Variants in HDDC2 observed in about 807,000 individuals in gnomAD.
The protein encoded by HDDC2 is 5'-deoxynucleotidase HDDC2.
A neutral mutation model predicts 25.5 loss-of-function variants in HDDC2; 25 were observed. The ratio of observed to expected loss-of-function variants is 0.98; its 90% CI spans 0.72 to 1.37. HDDC2 has a LOEUF of 1.37. Ranked by LOEUF, HDDC2 falls within the 40% of genes most tolerant of loss-of-function variation. HDDC2 has a pLI of 0.00. For missense variants in HDDC2, 264 were observed against 253.1 expected (o/e 1.04, Z -0.29); for synonymous variants, 106 against 89.7 (o/e 1.18, Z -1.03).
At chr6:125,287,224 T>G (rs928261855) in intron 4 of HDDC2, among the ~76,000 whole-genome samples, 14 of 152,162 alleles carry the variant, frequency 9.2e-5, no homozygotes, top group Non-Finnish European at 1.6e-4. Context: ...TTAAAAAAAG[T>G]GAGCATGATT....
intron 3 of HDDC2, among the ~76,000 whole-genome samples, chr6:125,293,880 C>A (rs1407057167): frequency 6.6e-6 from 1 of 152,166 alleles, no homozygotes; most frequent in Non-Finnish European, 1.5e-5. Flanking sequence ...TTCCCCACCA[C>A]AAGGAGAAGC....
At chr6:125,288,747 C>A (rs566674272) in intron 4 of HDDC2, among the ~76,000 whole-genome samples, 1 of 139,676 alleles carries the variant, frequency 7.2e-6, no homozygotes, top group Admixed American at 7.1e-5. Flanking sequence ...TCATCACTGG[C>A]CATCAGAGAA....
At chr6:125,301,580 C>G (rs1798807329) in intron 1 of HDDC2, among the ~76,000 whole-genome samples, 1 of 151,092 alleles carries the variant, frequency 6.6e-6, no homozygotes, top group Non-Finnish European at 1.5e-5. Context: ...CGGGAACTGG[C>G]GCGGCTGCAG....
intron 5 of HDDC2, 75 bp downstream of exon 5, chr6:125,277,027 C>A: frequency 6.8e-7 from 1 of 1,472,316 alleles, no homozygotes; most frequent in Non-Finnish European, 9.4e-7. Context: ...AGTGGGTTTC[C>A]CTAATATTAA....
rs1050185173 is a variant in HDDC2, at chr6:125,300,793, C to T, written c.85-134G>A. 5.0e-6 allele frequency: 4 copies of T among 793,778 alleles called. No homozygotes were observed. In the African/African-American group the frequency reaches 7.0e-5, roughly 14 times the overall value. The allele number at this position is 793,778 out of a possible 1,614,324, so 49.2% of individuals were successfully genotyped here. ...TCAGAACCTATTACAAAATGTTTTG[C>T]TAAACTAGCTAAAATGATAGACATC... On this transcript the variant is annotated intron_variant, in intron 1 of 5. Coordinates refer to ENST00000398153, the MANE Select transcript of HDDC2 (RefSeq NM_016063.3).
At chr6:125,296,359 C>T (rs1798706151) in intron 3 of HDDC2, among the ~76,000 whole-genome samples, 1 of 152,052 alleles carries the variant, frequency 6.6e-6, no homozygotes. Context: ...ATTTTTTCTC[C>T]CTCCTACTTT....
intron 2 of HDDC2, among the ~76,000 whole-genome samples, chr6:125,300,108 A>T (rs947137737): frequency 1.3e-5 from 2 of 152,222 alleles, no homozygotes; most frequent in African/African-American, 4.8e-5. Context: ...GCATTTTAAC[A>T]CTTGTCGATT....
intron 2 of HDDC2, among the ~76,000 whole-genome samples, chr6:125,299,177 A>T (rs1247042556): frequency 6.6e-6 from 1 of 152,218 alleles, no homozygotes; most frequent in East Asian, 1.9e-4. Flanking sequence ...TGAGGTCAGG[A>T]GTTCGAGACC....
intron 4 of HDDC2, among the ~76,000 whole-genome samples, chr6:125,281,495 A>G (rs1798456501): frequency 6.6e-6 from 1 of 152,300 alleles, no homozygotes; most frequent in Non-Finnish European, 1.5e-5. Flanking sequence ...CAGAATAAAC[A>G]GTTTAGAAAA....
intron 4 of HDDC2, among the ~76,000 whole-genome samples, chr6:125,287,645 A>G (rs1329046926): frequency 6.6e-6 from 1 of 152,182 alleles, no homozygotes; most frequent in Non-Finnish European, 1.5e-5. Context: ...AGGAGAATGT[A>G]TGGAGCAATC....
chr6:125,292,896 T>C lies in HDDC2; in HGVS notation c.323A>G (p.Gln108Arg). The C allele has an allele frequency of 6.2e-7, 1 of 1,612,306 alleles. No homozygotes were observed. Among genetic ancestry groups the C allele is most frequent in the Non-Finnish European group, 8.5e-7 (1 of 1,178,428 alleles). The change falls in exon 4 of 6, where the codon CAG (glutamine) becomes CGG (arginine). Residue 108 changes from glutamine to arginine, a missense_variant. Physicochemically the swap from Gln to Arg is conservative, Grantham distance 43. Transcript: ENST00000398153. The part of the protein sequence containing the change: ...KHRREEEAMK[Q>R]ITQLLPEDLR... ...GTCCTCTGGTAGGAGCTGGGTTATC[T>C]GCTTCATAGCTTCCTGAAATATTAA... is the stretch of plus-strand genomic sequence containing the variant.
At position 125,292,906 on chromosome 6, in the gene HDDC2, C is replaced by A. The variant is rs1798652479; in HGVS notation, c.313G>T (p.Ala105Ser). ...AGGAGCTGGGTTATCTGCTTCATAG[C>A]TTCCTGAAATATTAAACCATTATCT... ...KEEKHRREEEAMKQITQLLPE... is the reference protein window; with the variant it reads ...KEEKHRREEESMKQITQLLPE... Residue 105 changes from alanine (A) to serine (S), a missense_variant, in exon 4 of 6, where the codon GCT becomes TCT. Transcript: ENST00000398153. 6.2e-7 allele frequency: 1 copy of A among 1,609,972 alleles called. No homozygotes were observed. The highest frequency in any genetic ancestry group is 8.5e-7 in the Non-Finnish European group (1 of 1,176,364).
intron 4 of HDDC2, among the ~76,000 whole-genome samples, chr6:125,280,315 G>A (rs1030432650): frequency 2.6e-5 from 4 of 152,266 alleles, no homozygotes; most frequent in Non-Finnish European, 4.4e-5. Flanking sequence ...CTGGGCAGCC[G>A]TTTGGGCAGA....
chr6:125,278,394 ATTT>A (rs1020166272), intron 4 of HDDC2: 3 of 151,900 alleles, frequency 2.0e-5, no homozygotes, highest in Admixed American at 6.6e-5. Flanking sequence ...CAGTCTAGAA[ATTT>A]TTTTTTCTGT....
Position 125,276,028 on chromosome 6 carries a change from A to C in HDDC2, c.*118T>G. 1.3e-6 allele frequency: 1 copy of C among 744,736 alleles called. No homozygotes were observed. Among genetic ancestry groups the C allele is most frequent in the Admixed American group, 2.4e-5 (1 of 42,466 alleles). The allele number at this position is 744,736 out of a possible 1,614,324, so 46.1% of individuals were successfully genotyped here. On this transcript the variant is annotated 3_prime_UTR_variant, in exon 6 of 6. Transcript: ENST00000398153. ...TCACATTTCTTGCTGAAGTTCAGAC[A>C]ATTGAAAACAAACAGACTCACATCT...
intron 4 of HDDC2, among the ~76,000 whole-genome samples, chr6:125,280,485 C>A (rs1375471803): frequency 2.0e-5 from 3 of 152,228 alleles, no homozygotes; most frequent in African/African-American, 7.2e-5. Context: ...CTAAGATCCA[C>A]TGGCTTGAAA....
At chr6:125,300,755 C>T in intron 1 of HDDC2, 96 bp from the exon 2 acceptor site, 1 of 1,238,872 alleles carries the variant, frequency 8.1e-7, no homozygotes, top group Non-Finnish European at 1.1e-6. Context: ...CACACAGAAG[C>T]CGGGTCATAA....
intron 4 of HDDC2, 137 bp downstream of exon 4, chr6:125,292,704 G>A: frequency 2.8e-6 from 2 of 706,328 alleles, no homozygotes; most frequent in Non-Finnish European, 5.0e-6. Context: ...CAGCAGCTGG[G>A]AAGTGAGAAA....
chr6:125,277,508 C>G (rs1798387745), intron 4 of HDDC2: 2 of 368,344 alleles, frequency 5.4e-6, no homozygotes, highest in Non-Finnish European at 9.7e-6. Context: ...TAGGTACTTT[C>G]AAGATCTTTT....
Sources: gnomAD v4.1 joint callset for allele counts (sites outside exome capture counted in the v4.1 genomes callset) on GRCh38, gnomAD v4.1.1 for gene constraint, MANE v1.5 for transcripts, NCBI Gene and HGNC (gene_info 2026-07-23, HGNC 2026-07-21) for gene names.